MAGI2: variants seen among roughly 807,000 people sequenced by gnomAD.
MAGI2 encodes membrane associated guanylate kinase, WW and PDZ domain containing 2, also known as membrane-associated guanylate kinase, WW and PDZ domain-containing protein 2.
MAGI2 carries 35 observed loss-of-function variants against 133.3 expected under a neutral mutation model. The observed-to-expected ratio is 0.26, with a 90% confidence interval of 0.20 to 0.35. The LOEUF (loss-of-function observed/expected upper bound fraction) is 0.35, where lower values mean the gene tolerates loss of function less well. MAGI2 is among the 10% of genes least tolerant of loss of function. MAGI2 has a pLI of 1.00. For missense variants in MAGI2, 1,636 were observed against 1,863.4 expected (o/e 0.88, Z 2.25); for synonymous variants, 729 against 710.6 (o/e 1.03, Z -0.41).
At chr7:79,136,812 G>A (rs1475449497) in intron 1 of MAGI2, among the ~76,000 whole-genome samples, 1 of 152,168 alleles carries the variant, frequency 6.6e-6, no homozygotes, top group East Asian at 1.9e-4. Context: ...GGCATGAAAT[G>A]TTGCCTTACA....
intron 1 of MAGI2, among the ~76,000 whole-genome samples, chr7:79,360,369 T>C (rs1483617529): frequency 6.6e-6 from 1 of 152,024 alleles, no homozygotes; most frequent in Admixed American, 6.6e-5. Context: ...TGGTTAAAGA[T>C]TGGCTAAAGT....
chr7:78,641,854 T>C (rs941461366), intron 2 of MAGI2, among the ~76,000 whole-genome samples: 1 of 152,134 alleles, frequency 6.6e-6, no homozygotes, highest in Non-Finnish European at 1.5e-5. Context: ...GAACAAGAAA[T>C]TGCCAGGGGA....
At chr7:79,157,972 G>GTGTGTGTGTGTGTGTC (rs1384745090) in intron 1 of MAGI2, among the ~76,000 whole-genome samples, 11 of 145,862 alleles carry the variant, frequency 7.5e-5, no homozygotes, top group African/African-American at 2.0e-4. Flanking sequence ...GTGTGTGTGT[G>GTGTGTGTGTGTGTGTC]TGTGTATTTA....
chr7:78,831,367 T>C (rs111371389), intron 2 of MAGI2, among the ~76,000 whole-genome samples: 3 of 152,166 alleles, frequency 2.0e-5, no homozygotes, highest in Non-Finnish European at 4.4e-5. Context: ...CAAGTAATTT[T>C]ACAGCAGTTC....
chr7:79,132,856 G>A (rs761992213), intron 1 of MAGI2, among the ~76,000 whole-genome samples: 6 of 152,164 alleles, frequency 3.9e-5, no homozygotes, highest in East Asian at 1.9e-4. Flanking sequence ...TCAGGAGTAC[G>A]GTGGTATCTC....
At chr7:78,784,098 C>A (rs1474178391) in intron 2 of MAGI2, among the ~76,000 whole-genome samples, 8 of 152,062 alleles carry the variant, frequency 5.3e-5, no homozygotes, top group Non-Finnish European at 1.2e-4. Context: ...ATCATTATAA[C>A]CATCCAATTA....
chr7:79,011,580 T>A (rs986673216), intron 1 of MAGI2, among the ~76,000 whole-genome samples: 5 of 152,096 alleles, frequency 3.3e-5, no homozygotes, highest in African/African-American at 1.2e-4. Flanking sequence ...TAAACTTTTA[T>A]CAGTGTAAAC....
At chr7:78,453,075 T>G (rs1788900655) in intron 6 of MAGI2, among the ~76,000 whole-genome samples, 1 of 152,182 alleles carries the variant, frequency 6.6e-6, no homozygotes, top group African/African-American at 2.4e-5. Context: ...GTTCTTTGTA[T>G]TCTCTGAGGT....
intron 1 of MAGI2, among the ~76,000 whole-genome samples, chr7:79,254,265 A>C (rs1024254888): frequency 5.9e-5 from 9 of 151,932 alleles, no homozygotes; most frequent in Admixed American, 2.0e-4. Context: ...TGTATAAAAT[A>C]AATTAATTCT....
At chr7:78,117,513 A>G (rs1457729636) in intron 20 of MAGI2, among the ~76,000 whole-genome samples, 1 of 152,124 alleles carries the variant, frequency 6.6e-6, no homozygotes, top group Non-Finnish European at 1.5e-5. Flanking sequence ...AACTAGTAAT[A>G]GAAGAAAACA....
intron 9 of MAGI2, among the ~76,000 whole-genome samples, chr7:78,314,986 G>T (rs1389229607): frequency 6.6e-6 from 1 of 152,120 alleles, no homozygotes; most frequent in East Asian, 1.9e-4. Context: ...ACATGCTATA[G>T]AAAGGTCACA....
In MAGI2 at chr7:78,501,790, A is replaced by G. The variant is rs768568330; in HGVS notation, c.755-3T>C. 3.7e-6 allele frequency: 6 copies of G among 1,611,502 alleles called. No homozygotes were observed. The highest frequency in any genetic ancestry group is 1.3e-5 in the African/African-American group (1 of 74,980). ...TTTGTCTTCATGTTCACTGGATTCT[A>G]TAAGAGAACAAGAGCACGTGGTTAG... On this transcript the variant is annotated splice_polypyrimidine_tract_variant and splice_region_variant and intron_variant, in intron 4 of 21. Coordinates refer to ENST00000354212, the MANE Select transcript of MAGI2 (RefSeq NM_012301.4).
intron 1 of MAGI2, among the ~76,000 whole-genome samples, chr7:79,040,096 G>A (rs1214860275): frequency 1.3e-4 from 20 of 152,038 alleles, no homozygotes; most frequent in Non-Finnish European, 2.6e-4. Flanking sequence ...TATAGGTCAA[G>A]GGAGAGACCA....
At chr7:78,067,935 T>C (rs1459185678) in intron 21 of MAGI2, among the ~76,000 whole-genome samples, 1 of 152,200 alleles carries the variant, frequency 6.6e-6, no homozygotes, top group Non-Finnish European at 1.5e-5. Context: ...AGGGAATGGA[T>C]GAATAGATGG....
At chr7:78,269,047 G>A (rs1185020821) in intron 9 of MAGI2, among the ~76,000 whole-genome samples, 1 of 152,060 alleles carries the variant, frequency 6.6e-6, no homozygotes, top group Non-Finnish European at 1.5e-5. Flanking sequence ...TTCGTTTTCT[G>A]TTCTTGTGTT....
At chr7:79,336,760 C>T (rs1840464694) in intron 1 of MAGI2, among the ~76,000 whole-genome samples, 2 of 152,006 alleles carry the variant, frequency 1.3e-5, no homozygotes, top group South Asian at 4.1e-4. Flanking sequence ...CAGGTCCATC[C>T]ATGTTTTGGC....
chr7:78,546,002 A>G (rs1798800756), intron 3 of MAGI2, among the ~76,000 whole-genome samples: 1 of 152,132 alleles, frequency 6.6e-6, no homozygotes, highest in Non-Finnish European at 1.5e-5. Context: ...CCCAACACAT[A>G]TTTTATCACC....
At chr7:78,398,153 T>A (rs184613544) in intron 6 of MAGI2, among the ~76,000 whole-genome samples, 46 of 152,312 alleles carry the variant, frequency 3.0e-4, no homozygotes, top group Admixed American at 2.6e-3. Context: ...TTCAAAGGAA[T>A]GTCAAATTGA....
intron 5 of MAGI2, among the ~76,000 whole-genome samples, chr7:78,495,377 C>G (rs966219468): frequency 3.9e-5 from 6 of 152,012 alleles, no homozygotes; most frequent in African/African-American, 1.5e-4. Flanking sequence ...GTTTTCTGTT[C>G]ATCTGTTAGT....
Sources: gnomAD v4.1 joint callset for allele counts (sites outside exome capture counted in the v4.1 genomes callset) on GRCh38, gnomAD v4.1.1 for gene constraint, MANE v1.5 for transcripts, NCBI Gene and HGNC (gene_info 2026-07-23, HGNC 2026-07-21) for gene names.